Variants in HSF5 observed in about 807,000 individuals in gnomAD.
HSF5 encodes heat shock transcription factor 5, also known as heat shock factor protein 5.
A neutral mutation model predicts 50.8 loss-of-function variants in HSF5; 5 were observed. The observed-to-expected ratio is 0.10, with a 90% confidence interval of 0.05 to 0.21. HSF5 has a LOEUF of 0.21. Ranked by LOEUF, HSF5 falls within the 10% of genes least tolerant of loss-of-function variation. HSF5 has a pLI of 1.00. For missense variants in HSF5, 564 were observed against 762.6 expected, an observed-to-expected ratio of 0.74 and a Z score of 3.07; for synonymous variants, 307 against 307.4, an observed-to-expected ratio of 1.00 and a Z score of 0.02.
chr17:58,449,022 T>A (rs1039364835), intron 5 of HSF5, among the ~76,000 whole-genome samples: 2 of 152,222 alleles, frequency 1.3e-5, no homozygotes, highest in African/African-American at 4.8e-5. Context: ...TCTTGTTTGT[T>A]TGTTTCTTTT....
At chr17:58,484,311 A>G (rs1201824780) in intron 1 of HSF5, among the ~76,000 whole-genome samples, 1 of 152,220 alleles carries the variant, frequency 6.6e-6, no homozygotes, top group Non-Finnish European at 1.5e-5. Flanking sequence ...ATGTTTTTCA[A>G]CAAACAGTAA....
intron 5 of HSF5, among the ~76,000 whole-genome samples, chr17:58,450,644 T>C (rs61158433): frequency 0.015 from 2,319 of 150,934 alleles, 73 homozygotes; most frequent in African/African-American, 0.054. Flanking sequence ...TCCCAGCTAC[T>C]TGGGAGGCTG....
chr17:58,443,069 G>A (rs1259877280), intron 5 of HSF5, among the ~76,000 whole-genome samples: 2 of 151,916 alleles, frequency 1.3e-5, no homozygotes, highest in Non-Finnish European at 2.9e-5. Context: ...CACCACGCCC[G>A]GCTAATTTTT....
At chr17:58,480,400 AAAC>A (rs10611975) in intron 1 of HSF5, 133 bp from the exon 2 acceptor site, 659,552 of 808,354 alleles carry the variant, frequency 0.82, 270,650 homozygotes, top group East Asian at 1. Flanking sequence ...GGTTTGGTAA[AAAC>A]AAGTTCAGAA....
At chr17:58,455,637 A>T (rs927658845) in intron 5 of HSF5, among the ~76,000 whole-genome samples, 128 of 152,220 alleles carry the variant, frequency 8.4e-4, no homozygotes, top group African/African-American at 2.9e-3. Flanking sequence ...CAAAACAAAT[A>T]AAAAAACAAA....
In HSF5 at chr17:58,479,925, G is replaced by A. The variant is rs775167381; in HGVS notation, c.893C>T (p.Ser298Leu). ...SSQKYSNYTP[S>L]AQYSQAYYPT... ...ATAGTAGGCTTGCGAGTACTGTGCT[G>A]AGGGTGTGTAGTTACTGTATTTTTG... is the stretch of plus-strand genomic sequence containing the variant. The change falls in exon 2 of 6, where the codon TCA (serine) becomes TTA (leucine). Residue 298 changes from serine (S) to leucine (L), a missense_variant. Coordinates refer to ENST00000323777, the MANE Select transcript of HSF5 (RefSeq NM_001080439.3). 5 of 1,613,864 alleles carry A rather than the reference G, an allele frequency of 3.1e-6. No individual in the cohort carries two copies. The South Asian group carries it at 5.5e-5, about 18-fold the overall frequency.
In HSF5 at chr17:58,421,359, T is replaced by G. The variant is rs1331868302; in HGVS notation, c.*1001A>C. On this transcript the variant is annotated 3_prime_UTR_variant, in exon 6 of 6. Coordinates refer to ENST00000323777, the MANE Select transcript of HSF5 (RefSeq NM_001080439.3). ...GGCTGCTAATCAGTTTTTTCCCAAA[T>G]TTGCACACAATACCTTATATAGATG... 1.3e-5 allele frequency: 2 copies of G among 152,628 alleles called. No individual in the cohort carries two copies. Among genetic ancestry groups the G allele is most frequent in the African/African-American group, 2.4e-5 (1 of 41,464 alleles). 9.5% of individuals were successfully genotyped at this position (152,628 alleles called of 1,614,324 possible).
At chr17:58,445,029 C>G (rs1276390512) in intron 5 of HSF5, among the ~76,000 whole-genome samples, 3 of 151,824 alleles carry the variant, frequency 2.0e-5, no homozygotes, top group African/African-American at 4.8e-5. Context: ...AAAATCAAAC[C>G]TATAATGAGG....
At chr17:58,474,473 T>A (rs528839054) in intron 2 of HSF5, among the ~76,000 whole-genome samples, 34 of 152,308 alleles carry the variant, frequency 2.2e-4, no homozygotes, top group African/African-American at 7.9e-4. Context: ...CTGTATACTA[T>A]AAAAACATCA....
chr17:58,470,703 G>A (rs572138961), intron 2 of HSF5, among the ~76,000 whole-genome samples: 8 of 152,098 alleles, frequency 5.3e-5, no homozygotes, highest in African/African-American at 7.2e-5. Context: ...CAAGGCAGGC[G>A]GATCACGAGG....
In HSF5 at chr17:58,488,070, G is replaced by GCTCGGC. The variant is rs778570051; in HGVS notation, c.199_204dup (p.Ala67_Glu68dup). On this transcript the variant is annotated inframe_insertion, in exon 1 of 6. Coordinates refer to ENST00000323777, the MANE Select transcript of HSF5 (RefSeq NM_001080439.3). The surrounding 1 kb of genome is among the most constrained non-coding windows in gnomAD (Gnocchi z 4.1). ...AAGCTGGTGGTTTTGAAGAGCTCGG[G>GCTCGGC]CTCGGCCCCGGCCCCCGCAGTCCCG... 2.5e-6 allele frequency: 4 copies of GCTCGGC among 1,588,208 alleles called. No individual in the cohort carries two copies. In the African/African-American group the frequency reaches 5.5e-5, roughly 22 times the overall value.
At chr17:58,422,857 G>A (rs1461481860) in intron 5 of HSF5, among the ~76,000 whole-genome samples, 9 of 151,882 alleles carry the variant, frequency 5.9e-5, no homozygotes, top group Non-Finnish European at 8.8e-5. Flanking sequence ...CACCACGCAC[G>A]GCTAATTTTT....
chr17:58,461,104 C>T (rs1974788133), intron 4 of HSF5, among the ~76,000 whole-genome samples: 1 of 151,764 alleles, frequency 6.6e-6, no homozygotes, highest in Non-Finnish European at 1.5e-5. Context: ...ATCCTGGTTA[C>T]TCAGGAGGCT....
rs559758922 is a variant in HSF5 at position 58,476,502 on chromosome 17, A to C, written c.925+3391T>G. ...TTTCAGTGGACTTTGAAGATGGATC[A>C]CCACTCTTATTCAGATGAAATTCTT... On this transcript the variant is annotated intron_variant, in intron 2 of 5. Transcript: ENST00000323777. 2.9e-4 allele frequency: 333 copies of C among 1,157,858 alleles called. 2 individuals are homozygous for C. The South Asian group carries it at 3.8e-3, about 13-fold the overall frequency. The allele number at this position is 1,157,858 out of a possible 1,614,324, so 71.7% of individuals were successfully genotyped here.
chr17:58,441,065 G>A (rs996324547), intron 5 of HSF5, among the ~76,000 whole-genome samples: 3 of 152,154 alleles, frequency 2.0e-5, no homozygotes, highest in Admixed American at 2.0e-4. Context: ...ACTTTCAAGT[G>A]CAAATGGTAT....
intron 2 of HSF5, among the ~76,000 whole-genome samples, chr17:58,471,616 T>G (rs1241689593): frequency 1.9e-5 from 1 of 53,822 alleles, no homozygotes; most frequent in Non-Finnish European, 3.3e-5. Context: ...TCTTTCCTTT[T>G]CTTTCTTTTT....
chr17:58,476,690 C>A, intron 2 of HSF5: 1 of 1,583,622 alleles, frequency 6.3e-7, no homozygotes, highest in South Asian at 1.1e-5. Context: ...GGATGGTTGA[C>A]AAATGTTGTT....
At position 58,455,889 on chromosome 17, in the gene HSF5, G is replaced by GTT; in HGVS notation, c.1720+2878_1720+2879insAA. Reference sequence around the variant, plus strand: ...ACTCTTATATGCTATTTGTAGGAATGTAAGTTAGCATAGCATTATAGAAAA... The same window carrying GTT: ...ACTCTTATATGCTATTTGTAGGAATGTTTAAGTTAGCATAGCATTATAGAAAA... On this transcript the variant is annotated intron_variant, in intron 5 of 5. Coordinates refer to ENST00000323777, the MANE Select transcript of HSF5 (RefSeq NM_001080439.3). Among the ~76,000 whole-genome samples the GTT allele has an allele frequency of 1.3e-5, 2 of 152,118 alleles. 1 individual carries two copies. Among genetic ancestry groups the GTT allele is most frequent in the East Asian group, 3.8e-4 (2 of 5,196 alleles).
intron 1 of HSF5, among the ~76,000 whole-genome samples, chr17:58,480,762 GCTATCTATCTATCTATCTAT>G: frequency 6.8e-6 from 1 of 146,486 alleles, no homozygotes; most frequent in African/African-American, 2.5e-5. Context: ...AACGCTCTTT[GCTATCTATCTATCTATCTAT>G]CTATCTATCT....
Sources: allele counts gnomAD v4.1 joint callset (sites outside exome capture counted in the v4.1 genomes callset), GRCh38; gene constraint gnomAD v4.1.1; non-coding constraint Gnocchi (gnomAD v3.1); transcripts MANE v1.5; gene names NCBI Gene and HGNC (gene_info 2026-07-23, HGNC 2026-07-21).